Variants in JAK2 observed in about 807,000 individuals in gnomAD.
JAK2 encodes the protein Janus kinase 2.
Under a neutral mutation model 139.3 loss-of-function variants are expected in JAK2, and 86 were observed. The observed-to-expected ratio is 0.62, with a 90% CI of 0.52 to 0.74. The LOEUF is 0.74. Ranked by LOEUF, JAK2 falls within the 30% of genes least tolerant of loss-of-function variation. The probability of loss-of-function intolerance (pLI) is 0.00; values close to 1 mark genes in which losing one functional copy is unlikely to be tolerated. For missense variants in JAK2, 1,421 were observed against 1,360.3 expected, an observed-to-expected ratio of 1.04 and a Z score of -0.70; for synonymous variants, 490 against 437.7, an observed-to-expected ratio of 1.12 and a Z score of -1.49.
chr9:5,017,092 G>C (rs1822117480), intron 2 of JAK2, among the ~76,000 whole-genome samples: 1 of 152,196 alleles, frequency 6.6e-6, no homozygotes, highest in Non-Finnish European at 1.5e-5. Flanking sequence ...ATGACATGTA[G>C]GAGTGATAGC....
In JAK2 at chr9:5,054,733, A is replaced by C; in HGVS notation, c.785A>C (p.Gln262Pro). 2 of 1,613,382 alleles carry C rather than the reference A, an allele frequency of 1.2e-6. No homozygotes were observed. The highest frequency in any genetic ancestry group is 4.5e-5 in the East Asian group (2 of 44,854). ...TATCTTATAAATCTGGAAACTCTGCAGTCTGCCTTCTACACAGAGAAATTT... is the reference window on the plus strand; with the variant it reads ...TATCTTATAAATCTGGAAACTCTGCCGTCTGCCTTCTACACAGAGAAATTT... Reference protein sequence around the residue: ...LKYLINLETLQSAFYTEKFEV... With the variant: ...LKYLINLETLPSAFYTEKFEV... Residue 262 changes from glutamine (Q) to proline (P), a missense_variant, in exon 7 of 25, where the codon CAG (glutamine) becomes CCG (proline). Coordinates refer to ENST00000381652, the MANE Select transcript of JAK2 (RefSeq NM_004972.4). The surrounding 1 kb of genome is among the most constrained non-coding windows in gnomAD (Gnocchi z 4.9).
chr9:5,119,520 G>C (rs1823456994), intron 22 of JAK2, among the ~76,000 whole-genome samples: 1 of 151,986 alleles, frequency 6.6e-6, no homozygotes, highest in Admixed American at 6.6e-5. Context: ...AGGATAAGCT[G>C]AAGATGATAT....
At chr9:4,987,640 G>A (rs1820022960) in intron 2 of JAK2, among the ~76,000 whole-genome samples, 1 of 148,760 alleles carries the variant, frequency 6.7e-6, no homozygotes, top group South Asian at 2.1e-4. Context: ...GGAGGGTGAG[G>A]CAGGAGAATT....
chr9:5,113,061 C>T (rs913655879), intron 22 of JAK2, among the ~76,000 whole-genome samples: 17 of 152,088 alleles, frequency 1.1e-4, no homozygotes, highest in African/African-American at 4.1e-4. Flanking sequence ...CAGGAGCTCC[C>T]TGGGACCCCG....
upstream of JAK2, chr9:4,984,436 C>T (rs1819827433): frequency 6.6e-6 from 1 of 152,276 alleles, no homozygotes; most frequent in Non-Finnish European, 1.5e-5. Context: ...GTTGTTTCTC[C>T]TCTAGGAGAA....
chr9:5,006,315 G>C (rs1352950021), intron 2 of JAK2, among the ~76,000 whole-genome samples: 2 of 152,184 alleles, frequency 1.3e-5, no homozygotes, highest in East Asian at 3.9e-4. Flanking sequence ...GTATAAGAAT[G>C]CTTGTGATTT....
intron 8 of JAK2, among the ~76,000 whole-genome samples, chr9:5,060,238 T>C (rs1818071447): frequency 1.3e-5 from 2 of 152,248 alleles, no homozygotes; most frequent in South Asian, 4.1e-4. Flanking sequence ...TGATGGCTGC[T>C]GACCGATCAG....
intron 22 of JAK2, among the ~76,000 whole-genome samples, chr9:5,115,491 A>C (rs1319806007): frequency 6.6e-6 from 1 of 152,204 alleles, no homozygotes; most frequent in Non-Finnish European, 1.5e-5. Context: ...ACCATTGTGG[A>C]AGACAGTGTG....
intron 3 of JAK2, among the ~76,000 whole-genome samples, chr9:5,029,125 T>G (rs1239340975): frequency 6.6e-6 from 1 of 152,204 alleles, no homozygotes; most frequent in Non-Finnish European, 1.5e-5. Context: ...GATATGAAAC[T>G]CTTTAATATA....
At chr9:5,120,300 G>C (rs556934116) in intron 22 of JAK2, among the ~76,000 whole-genome samples, 6 of 152,184 alleles carry the variant, frequency 3.9e-5, no homozygotes, top group Non-Finnish European at 7.3e-5. Flanking sequence ...ATCTCTTAAA[G>C]GCCCCACCTG....
In JAK2 at chr9:4,987,381, A is replaced by G. The variant is rs144308240; in HGVS notation, c.-26+1359A>G. On this transcript the variant is annotated intron_variant, in intron 2 of 24. Transcript: ENST00000381652. ...GGATGCTTTTGAGGCAGAATAGGAA[A>G]GTGCATTGGCTTTGGAGTGAGATCT... Among the ~76,000 whole-genome samples the G allele has an allele frequency of 3.8e-3, 584 of 152,258 alleles. 3 individuals carry two copies. The highest frequency in any genetic ancestry group is 0.013 in the African/African-American group (560 of 41,540).
At chr9:5,085,953 G>C in intron 19 of JAK2, 1 of 1,127,140 alleles carries the variant, frequency 8.9e-7, no homozygotes, top group South Asian at 1.2e-5. Flanking sequence ...GAAAGGATCG[G>C]TGTATTTCTC....
Position 5,034,651 on chromosome 9 carries a change from C to A in JAK2, c.350+4745C>A, listed in dbSNP as rs547560345. 3.6e-3 allele frequency among the ~76,000 whole-genome samples: 541 copies of A among 151,944 alleles called. 3 individuals are homozygous for A. Among genetic ancestry groups the A allele is most frequent in the African/African-American group, 0.013 (519 of 41,298 alleles). On this transcript the variant is annotated intron_variant, in intron 4 of 24. Transcript: ENST00000381652. ...TCCTGAATGACTACTGGGTACATAA[C>A]GAAATGACGGCAGAAATAAAGATGT... is the stretch of plus-strand genomic sequence containing the variant.
chr9:5,057,604 G>A (rs888272836), intron 8 of JAK2, among the ~76,000 whole-genome samples: 1 of 118,782 alleles, frequency 8.4e-6, no homozygotes, highest in Non-Finnish European at 1.7e-5. Flanking sequence ...TTTTTTTTGA[G>A]ATGAGTCTTG....
At chr9:5,123,539 T>C (rs1051805844) in intron 23 of JAK2, among the ~76,000 whole-genome samples, 1 of 151,994 alleles carries the variant, frequency 6.6e-6, no homozygotes, top group Non-Finnish European at 1.5e-5. Flanking sequence ...ATTTTCTTTA[T>C]CCAGTCATCC....
intron 2 of JAK2, among the ~76,000 whole-genome samples, chr9:5,000,874 A>T (rs1332446470): frequency 6.6e-6 from 1 of 152,220 alleles, no homozygotes; most frequent in Non-Finnish European, 1.5e-5. Context: ...TGGTTTGCAT[A>T]TGAAAAGTTG....
At chr9:5,079,697 TG>T (rs1470811019) in intron 16 of JAK2, among the ~76,000 whole-genome samples, 1 of 152,210 alleles carries the variant, frequency 6.6e-6, no homozygotes, top group Non-Finnish European at 1.5e-5. Flanking sequence ...TCCAATGCTT[TG>T]GGAGGCTGAT....
At chr9:5,079,334 T>C (rs545641173) in intron 16 of JAK2, among the ~76,000 whole-genome samples, 40 of 152,344 alleles carry the variant, frequency 2.6e-4, no homozygotes, top group Non-Finnish European at 5.0e-4. Flanking sequence ...ATATTGCTTC[T>C]TCCTTTCTTG....
At chr9:5,033,807 C>A (rs12004723) in intron 4 of JAK2, among the ~76,000 whole-genome samples, 3 of 152,006 alleles carry the variant, frequency 2.0e-5, no homozygotes, top group Non-Finnish European at 4.4e-5. Context: ...TAAAGACCAT[C>A]GAGGCTAGGA....
Sources: allele counts gnomAD v4.1 joint callset (sites outside exome capture counted in the v4.1 genomes callset), GRCh38; gene constraint gnomAD v4.1.1; non-coding constraint Gnocchi (gnomAD v3.1); transcripts MANE v1.5; gene names NCBI Gene and HGNC (gene_info 2026-07-23, HGNC 2026-07-21).